GADL1: variants seen among roughly 807,000 people sequenced by gnomAD.
GADL1 encodes acidic amino acid decarboxylase GADL1.
GADL1 carries 71 observed loss-of-function variants against 69.5 expected under a neutral mutation model. That is an observed-to-expected ratio of 1.02 (90% confidence interval 0.84 to 1.25). The LOEUF (loss-of-function observed/expected upper bound fraction) is 1.25. Among genes scored for constraint, GADL1 ranks in the 50% most tolerant of loss-of-function variants. The pLI is 0.00. For missense variants in GADL1, 737 were observed against 631.8 expected (o/e 1.17, Z -1.79); for synonymous variants, 254 against 214.4 (o/e 1.18, Z -1.62).
chr3:30,762,248 A>C (rs1230156319), intron 14 of GADL1, among the ~76,000 whole-genome samples: 1 of 152,130 alleles, frequency 6.6e-6, no homozygotes, highest in Non-Finnish European at 1.5e-5. Flanking sequence ...AATTATGTTG[A>C]GAAGGTTCAT....
At chr3:30,732,779 C>T (rs1030421589) in intron 14 of GADL1, among the ~76,000 whole-genome samples, 31 of 152,230 alleles carry the variant, frequency 2.0e-4, no homozygotes, top group African/African-American at 7.0e-4. Flanking sequence ...TTTTCAGGGT[C>T]GGGCATGGTT....
At chr3:30,751,735 G>C (rs985319950) in intron 14 of GADL1, among the ~76,000 whole-genome samples, 1 of 151,812 alleles carries the variant, frequency 6.6e-6, no homozygotes, top group South Asian at 2.1e-4. Context: ...CTGAGAAACT[G>C]AACTAGATTT....
chr3:30,880,675 T>C (rs542441882), intron 1 of GADL1, among the ~76,000 whole-genome samples: 3 of 152,020 alleles, frequency 2.0e-5, no homozygotes, highest in African/African-American at 7.2e-5. Context: ...GCAAATACTA[T>C]GCCATTTTAT....
At chr3:30,847,600 G>A (rs146735727) in intron 6 of GADL1, among the ~76,000 whole-genome samples, 5 of 152,322 alleles carry the variant, frequency 3.3e-5, no homozygotes, top group African/African-American at 9.6e-5. Context: ...GACTCTTTGA[G>A]TAGGGAAAGG....
intron 4 of GADL1, among the ~76,000 whole-genome samples, chr3:30,852,156 T>C (rs1698157503): frequency 5.9e-5 from 9 of 152,178 alleles, no homozygotes; most frequent in Admixed American, 5.9e-4. Context: ...TCACCTACTA[T>C]GTATCACCTA....
chr3:30,862,768 C>T (rs1390869209), intron 1 of GADL1, among the ~76,000 whole-genome samples: 1 of 151,992 alleles, frequency 6.6e-6, no homozygotes, highest in Non-Finnish European at 1.5e-5. Context: ...CCTTCTTGAA[C>T]TAGCACACAT....
chr3:30,833,177 G>GCACTTCCCAGCCTGGGC (rs1697819237), intron 11 of GADL1, among the ~76,000 whole-genome samples: 2 of 151,984 alleles, frequency 1.3e-5, no homozygotes, highest in Non-Finnish European at 2.9e-5. Context: ...GAATGAAGTA[G>GCACTTCCCAGCCTGGGC]CACTTCCCAG....
intron 14 of GADL1, among the ~76,000 whole-genome samples, chr3:30,741,118 A>G (rs58362623): frequency 1.4e-3 from 64 of 45,832 alleles, no homozygotes; most frequent in African/African-American, 4.3e-3. Flanking sequence ...CCTAGTATAT[A>G]TATATATATA....
chr3:30,879,811 A>T (rs1559368096), intron 1 of GADL1, among the ~76,000 whole-genome samples: 2 of 151,936 alleles, frequency 1.3e-5, no homozygotes, highest in Admixed American at 6.6e-5. Context: ...ACCAGGAAAA[A>T]AACTCTGTAA....
chr3:30,764,119 CTTATG>C (rs1207631192), intron 14 of GADL1, among the ~76,000 whole-genome samples: 2 of 151,718 alleles, frequency 1.3e-5, no homozygotes, highest in African/African-American at 2.4e-5. Flanking sequence ...ATTATATATA[CTTATG>C]TTTATTAAAT....
intron 14 of GADL1, among the ~76,000 whole-genome samples, chr3:30,775,374 A>G (rs941620321): frequency 6.6e-6 from 1 of 152,228 alleles, no homozygotes; most frequent in African/African-American, 2.4e-5. Context: ...ATAAATTTCA[A>G]GTGTGCTTTA....
chr3:30,755,273 AC>A (rs1382458045), intron 14 of GADL1, among the ~76,000 whole-genome samples: 4 of 134,164 alleles, frequency 3.0e-5, no homozygotes, highest in Admixed American at 7.0e-5. Flanking sequence ...ACATGGTGAA[AC>A]CATCAGCTTG....
Position 30,834,227 on chromosome 3 carries a change from C to T in GADL1, c.958G>A (p.Gly320Ser). The T allele has an allele frequency of 1.2e-6, 2 of 1,612,726 alleles. No individual in the cohort carries two copies. Among genetic ancestry groups the T allele is most frequent in the Non-Finnish European group, 1.7e-6 (2 of 1,179,120 alleles). The change falls in exon 10 of 15, where the codon GGC becomes AGC. Residue 320 changes from glycine to serine, a missense_variant. By Grantham distance (56) the Gly-to-Ser change is moderately conservative. Transcript: ENST00000282538. Reference protein sequence around the residue: ...MSRKHRKLLHGIHRADSVAWN... With the variant: ...MSRKHRKLLHSIHRADSVAWN... ...GGAAACTACATTTACCTGTGGATGCCATGCAGAAGCTTGCGGTGCTTCCTC... is the reference window on the plus strand; with the variant it reads ...GGAAACTACATTTACCTGTGGATGCTATGCAGAAGCTTGCGGTGCTTCCTC...
Position 30,850,058 on chromosome 3 carries a change from G to A in GADL1, c.589C>T (p.Pro197Ser). Residue 197 changes from proline (P) to serine (S), a missense_variant, in exon 6 of 15, where the codon CCT (proline) becomes TCT (serine). Transcript: ENST00000282538. The part of the protein sequence containing the change: ...AMNLARYKYC[P>S]DIKEKGLSGS... The stretch of plus-strand genomic sequence containing the variant: ...GACAGCCCCTTTTCCTTAATATCAG[G>A]ACAATATTTGTATCTAGCTAAATTC... 2 of 1,611,832 alleles carry A rather than the reference G, an allele frequency of 1.2e-6. No homozygotes were observed. Among genetic ancestry groups the A allele is most frequent in the Non-Finnish European group, 1.7e-6 (2 of 1,178,422 alleles).
At chr3:30,887,777 G>C (rs1226970056) in intron 1 of GADL1, among the ~76,000 whole-genome samples, 1 of 152,116 alleles carries the variant, frequency 6.6e-6, no homozygotes, top group East Asian at 1.9e-4. Context: ...AAAAGAAAGA[G>C]AGAATCTATA....
At chr3:30,832,696 G>A (rs1411540983) in intron 11 of GADL1, among the ~76,000 whole-genome samples, 1 of 151,994 alleles carries the variant, frequency 6.6e-6, no homozygotes, top group African/African-American at 2.4e-5. Flanking sequence ...GTACCTATGG[G>A]CAAGTTGATT....
At chr3:30,730,946 T>A (rs59610459) in intron 14 of GADL1, among the ~76,000 whole-genome samples, 13,087 of 152,282 alleles carry the variant, frequency 0.086, 1,477 homozygotes, top group African/African-American at 0.26. Context: ...ATTGTACTGC[T>A]TTTAAAATCT....
At chr3:30,848,415 C>T (rs1403899489) in intron 6 of GADL1, among the ~76,000 whole-genome samples, 1 of 152,104 alleles carries the variant, frequency 6.6e-6, no homozygotes, top group East Asian at 1.9e-4. Context: ...GAAATTAGTG[C>T]ACAATTTGTC....
chr3:30,789,846 G>A (rs990151849), intron 12 of GADL1, among the ~76,000 whole-genome samples: 5 of 152,204 alleles, frequency 3.3e-5, no homozygotes, highest in Admixed American at 6.5e-5. Context: ...GAGAAAGTTA[G>A]GGTCTTGCTC....
Sources: gnomAD v4.1 joint callset for allele counts (sites outside exome capture counted in the v4.1 genomes callset) on GRCh38, gnomAD v4.1.1 for gene constraint, MANE v1.5 for transcripts, NCBI Gene and HGNC (gene_info 2026-07-23, HGNC 2026-07-21) for gene names.